The following SEMA3A variants were observed in gnomAD, a reference collection of about 807,000 sequenced individuals.
The protein encoded by SEMA3A is semaphorin-3A.
In SEMA3A, 29 loss-of-function variants were observed where a neutral mutation model predicts 97.9. The observed-to-expected ratio is 0.30, with a 90% CI of 0.22 to 0.40. SEMA3A has a LOEUF of 0.40. Ranked by LOEUF, SEMA3A falls within the 10% of genes least tolerant of loss-of-function variation. The pLI, the probability that SEMA3A is intolerant of heterozygous loss-of-function variation, is 1.00. For synonymous variants in SEMA3A, 321 were observed against 323.7 expected (o/e 0.99, Z 0.09); for missense variants, 763 against 951.3 (o/e 0.80, Z 2.60).
chr7:84,347,098 A>G (rs184033612), intron 2 of SEMA3A, among the ~76,000 whole-genome samples: 193 of 152,346 alleles, frequency 1.3e-3, no homozygotes, highest in African/African-American at 4.0e-3. Flanking sequence ...AAAATACAAA[A>G]TTGTATAACT....
At chr7:84,467,823 T>A (rs1320127183) in intron 1 of SEMA3A, among the ~76,000 whole-genome samples, 1 of 152,146 alleles carries the variant, frequency 6.6e-6, no homozygotes, top group African/African-American at 2.4e-5. Flanking sequence ...CAAGACAACT[T>A]TCTTAACCTC....
intron 1 of SEMA3A, among the ~76,000 whole-genome samples, chr7:84,153,791 C>A (rs1226832257): frequency 1.3e-5 from 2 of 151,958 alleles, no homozygotes; most frequent in Admixed American, 1.3e-4. Context: ...ACAAGAAAAG[C>A]GTGTTGATAT....
At chr7:84,368,792 T>C (rs1802909668) in intron 2 of SEMA3A, among the ~76,000 whole-genome samples, 1 of 150,952 alleles carries the variant, frequency 6.6e-6, no homozygotes, top group Non-Finnish European at 1.5e-5. Flanking sequence ...ATATACAATA[T>C]ATAGACACAC....
Position 84,102,958 on chromosome 7 carries a change from G to GTTT in SEMA3A, c.453+7509_453+7511dup, listed in dbSNP as rs548599896. 2.7e-3 allele frequency among the ~76,000 whole-genome samples: 416 copies of GTTT among 151,332 alleles called. 1 individual carries two copies. Among genetic ancestry groups the GTTT allele is most frequent in the African/African-American group, 9.6e-3 (394 of 41,222 alleles). ...CAGAGTTACCACATATTGTATGGGG[G>GTTT]TTTTTTTTGACAGTAACTAAGTATA... On this transcript the variant is annotated intron_variant, in intron 4 of 16. Transcript: ENST00000265362.
chr7:83,957,659 T>A lies in SEMA3A; in HGVS notation c.*3712A>T, dbSNP rs1788322370. 1.3e-5 allele frequency: 2 copies of A among 152,136 alleles called. No homozygotes were observed. Among genetic ancestry groups the A allele is most frequent in the Admixed American group, 1.3e-4 (2 of 15,254 alleles). 9.4% of individuals were successfully genotyped at this position (152,136 alleles called of 1,614,324 possible). A position where few individuals can be genotyped will look rare whatever the true frequency, so the allele number is the denominator to read the frequency against. Reference sequence around the variant, plus strand: ...ATTAACTTGAAAAATTATGTTCATTTAATTAACTAGTTTAAGAAAATTTTT... The same window carrying A: ...ATTAACTTGAAAAATTATGTTCATTAAATTAACTAGTTTAAGAAAATTTTT... On this transcript the variant is annotated 3_prime_UTR_variant, in exon 17 of 17. Transcript: ENST00000265362.
intron 1 of SEMA3A, among the ~76,000 whole-genome samples, chr7:84,166,881 CAAAAAAA>C (rs11476617): frequency 1.2e-5 from 1 of 85,532 alleles, no homozygotes. Flanking sequence ...TCCTCTGTCT[CAAAAAAA>C]AAAAAAAAAA....
At position 84,188,210 on chromosome 7, in the gene SEMA3A, C is replaced by A. The variant is rs76614635; in HGVS notation, c.112+6265G>T. Among the ~76,000 whole-genome samples, 1,026 of 152,030 alleles carry A rather than the reference C, an allele frequency of 6.7e-3. 50 individuals carry two copies. In the East Asian group the frequency reaches 0.13, roughly 19 times the overall value. ...CTAAGCTTGTAAAAACTCCCAAGAC[C>A]AAACTATTCTTCATATTTATCAACA... On this transcript the variant is annotated intron_variant, in intron 1 of 16. Transcript: ENST00000265362.
chr7:84,014,206 C>T lies in SEMA3A; in HGVS notation c.810+3G>A. On this transcript the variant is annotated splice_donor_region_variant and intron_variant, in intron 7 of 16. Transcript: ENST00000265362. ...CTTCTCAGTTTTTTTTTCTTTACCT[C>T]ACCTTGCATATCTGACCTATTCTAG... The T allele has an allele frequency of 6.3e-7, 1 of 1,588,994 alleles. No individual in the cohort carries two copies. The highest frequency in any genetic ancestry group is 1.9e-5 in the Admixed American group (1 of 53,710).
intron 2 of SEMA3A, among the ~76,000 whole-genome samples, chr7:84,346,343 C>T (rs1387585020): frequency 6.6e-6 from 1 of 152,196 alleles, no homozygotes; most frequent in Non-Finnish European, 1.5e-5. Context: ...TAGAGTAGCA[C>T]TTTTAATTTC....
chr7:84,317,075 A>T (rs756329729), intron 2 of SEMA3A, among the ~76,000 whole-genome samples: 2 of 152,132 alleles, frequency 1.3e-5, no homozygotes, highest in Non-Finnish European at 2.9e-5. Flanking sequence ...TATGGACCCT[A>T]AAAACTCTTT....
intron 1 of SEMA3A, among the ~76,000 whole-genome samples, chr7:84,154,044 T>A: frequency 6.6e-6 from 1 of 152,092 alleles, no homozygotes; most frequent in Admixed American, 6.5e-5. Flanking sequence ...TAATTTCAAA[T>A]AAATATATTA....
At chr7:84,408,570 G>A (rs980568375) in intron 1 of SEMA3A, among the ~76,000 whole-genome samples, 5 of 152,046 alleles carry the variant, frequency 3.3e-5, no homozygotes, top group Non-Finnish European at 7.3e-5. Context: ...TATAAATCAT[G>A]CTGCTATAAA....
At chr7:84,365,235 T>C (rs1802817563) in intron 2 of SEMA3A, among the ~76,000 whole-genome samples, 1 of 151,566 alleles carries the variant, frequency 6.6e-6, no homozygotes, top group African/African-American at 2.4e-5. Flanking sequence ...GAACATTATC[T>C]TACCCAGTTT....
chr7:84,071,702 A>T (rs1284015411), intron 4 of SEMA3A, among the ~76,000 whole-genome samples: 2 of 151,940 alleles, frequency 1.3e-5, no homozygotes, highest in Non-Finnish European at 2.9e-5. Context: ...TTCTTCTGTT[A>T]TTTTCTTTAA....
chr7:84,131,956 A>T (rs1224402543), intron 2 of SEMA3A, among the ~76,000 whole-genome samples: 1 of 151,966 alleles, frequency 6.6e-6, no homozygotes, highest in Non-Finnish European at 1.5e-5. Flanking sequence ...TGCCCAGCTT[A>T]TCTGTGTATT....
chr7:84,060,429 G>A, intron 5 of SEMA3A, 36 bp downstream of exon 5: 2 of 1,324,108 alleles, frequency 1.5e-6, no homozygotes, highest in Non-Finnish European at 1.0e-6. Context: ...GTTATTTATA[G>A]AAAACTCACT....
intron 1 of SEMA3A, among the ~76,000 whole-genome samples, chr7:84,151,110 CA>C (rs1039536405): frequency 6.0e-5 from 9 of 149,580 alleles, no homozygotes; most frequent in African/African-American, 1.9e-4. Flanking sequence ...CATCAAAGAC[CA>C]AAAGTAGATA....
intron 1 of SEMA3A, among the ~76,000 whole-genome samples, chr7:84,384,221 T>C (rs1803344055): frequency 6.6e-6 from 1 of 152,160 alleles, no homozygotes; most frequent in Non-Finnish European, 1.5e-5. Flanking sequence ...GTAGTTGTCA[T>C]ATTATTTTGA....
intron 1 of SEMA3A, among the ~76,000 whole-genome samples, chr7:84,139,578 C>T (rs2214665): frequency 6.6e-6 from 1 of 151,804 alleles, no homozygotes; most frequent in Non-Finnish European, 1.5e-5. Flanking sequence ...TGCTCAATAA[C>T]TGCTAATTAT....
Sources: gnomAD v4.1 joint callset for allele counts (sites outside exome capture counted in the v4.1 genomes callset) on GRCh38, gnomAD v4.1.1 for gene constraint, MANE v1.5 for transcripts, NCBI Gene and HGNC (gene_info 2026-07-23, HGNC 2026-07-21) for gene names.